The following SLC35F4 variants were observed in gnomAD, a reference collection of about 807,000 sequenced individuals.
SLC35F4 encodes the protein chromosome 14 open reading frame 36.
Under a neutral mutation model 44.2 loss-of-function variants are expected in SLC35F4, and 24 were observed. The ratio of observed to expected loss-of-function variants is 0.54; its 90% CI spans 0.39 to 0.76. SLC35F4 has a LOEUF of 0.76. Among genes scored for constraint, SLC35F4 ranks in the 30% least tolerant of loss-of-function variants. The pLI is 0.00. For synonymous variants in SLC35F4, 238 were observed against 223.6 expected (o/e 1.06, Z -0.57); for missense variants, 562 against 586.1 (o/e 0.96, Z 0.42).
chr14:57,739,738 T>G lies in SLC35F4; in HGVS notation c.103+125985A>C, dbSNP rs574740408. Among the ~76,000 whole-genome samples the G allele has an allele frequency of 2.0e-5, 3 of 152,304 alleles. No homozygotes were observed. In the South Asian group the frequency reaches 6.2e-4, roughly 32 times the overall value. ...CATGCCATTTATTACATTCCTTATC[T>G]CACTGAGTTTCATCTATAAATCACA... On this transcript the variant is annotated intron_variant, in intron 1 of 7. Transcript: ENST00000556826.
At chr14:57,565,808 GATAA>G (rs2068178553) in intron 7 of SLC35F4, among the ~76,000 whole-genome samples, 2 of 152,110 alleles carry the variant, frequency 1.3e-5, no homozygotes, top group African/African-American at 2.4e-5. Context: ...CTGATCACAT[GATAA>G]ATATTCAATA....
At chr14:57,701,130 C>G (rs2075528557) in intron 1 of SLC35F4, among the ~76,000 whole-genome samples, 1 of 152,032 alleles carries the variant, frequency 6.6e-6, no homozygotes, top group South Asian at 2.1e-4. Context: ...AGCCACCATG[C>G]CTGGCCTATT....
At chr14:57,819,481 A>C (rs1882936936) in intron 1 of SLC35F4, among the ~76,000 whole-genome samples, 1 of 151,798 alleles carries the variant, frequency 6.6e-6, no homozygotes, top group Non-Finnish European at 1.5e-5. Flanking sequence ...GCAAAAGGCC[A>C]AGAATGACAG....
At chr14:57,680,572 A>G (rs2074863244) in intron 1 of SLC35F4, among the ~76,000 whole-genome samples, 1 of 152,080 alleles carries the variant, frequency 6.6e-6, no homozygotes, top group South Asian at 2.1e-4. Context: ...GGAAAGAGGA[A>G]GTCAAATTGT....
chr14:57,777,067 G>A lies in SLC35F4; in HGVS notation c.103+88656C>T, dbSNP rs548827060. ...CAGCATAATAACTAACTAACAACAC[G>A]ATGACAGGATTAAGTCCACACATAT... On this transcript the variant is annotated intron_variant, in intron 1 of 7. Coordinates refer to ENST00000556826, the MANE Select transcript of SLC35F4 (RefSeq NM_001306087.2). Among the ~76,000 whole-genome samples, 10 of 152,262 alleles carry A rather than the reference G, an allele frequency of 6.6e-5. No homozygotes were observed. In the South Asian group the frequency reaches 1.7e-3, roughly 25 times the overall value.
chr14:57,770,959 T>C (rs370285535), intron 1 of SLC35F4, among the ~76,000 whole-genome samples: 65 of 152,320 alleles, frequency 4.3e-4, no homozygotes, highest in African/African-American at 1.5e-3. Flanking sequence ...ACTGAGGCAC[T>C]AGTATTTCAC....
At chr14:57,792,148 CAT>C (rs750741721) in intron 1 of SLC35F4, among the ~76,000 whole-genome samples, 2 of 151,736 alleles carry the variant, frequency 1.3e-5, no homozygotes, top group Non-Finnish European at 2.9e-5. Context: ...TGGCCAGAAA[CAT>C]ATGAAAAAAT....
intron 1 of SLC35F4, among the ~76,000 whole-genome samples, chr14:57,620,425 A>G (rs890884120): frequency 1.3e-5 from 2 of 152,188 alleles, no homozygotes; most frequent in Non-Finnish European, 2.9e-5. Flanking sequence ...CCAGAATTTC[A>G]TATCCAGCCA....
chr14:57,852,161 G>A (rs953539584), intron 1 of SLC35F4, among the ~76,000 whole-genome samples: 1 of 152,208 alleles, frequency 6.6e-6, no homozygotes, highest in Non-Finnish European at 1.5e-5. Flanking sequence ...CTTGTGGTAA[G>A]TGCTATAAAG....
Position 57,761,079 on chromosome 14 carries a change from ACT to A in SLC35F4, c.103+104642_103+104643del, listed in dbSNP as rs1298908318. Among the ~76,000 whole-genome samples the A allele has an allele frequency of 2.0e-5, 3 of 152,182 alleles. No homozygotes were observed. In the South Asian group the frequency reaches 6.2e-4, roughly 32 times the overall value. On this transcript the variant is annotated intron_variant, in intron 1 of 7. Coordinates refer to ENST00000556826, the MANE Select transcript of SLC35F4 (RefSeq NM_001306087.2). ...CCTCTGCTTGTGCTGCACACAGGAA[ACT>A]CTCTCTCCAGGAATAAGCTGGGGTG...
intron 1 of SLC35F4, among the ~76,000 whole-genome samples, chr14:57,636,594 T>C (rs2073027649): frequency 6.6e-6 from 1 of 152,112 alleles, no homozygotes; most frequent in African/African-American, 2.4e-5. Context: ...AATGATTGCT[T>C]TATTCCAGAA....
At chr14:57,645,840 T>C (rs2073481294) in intron 1 of SLC35F4, among the ~76,000 whole-genome samples, 1 of 151,794 alleles carries the variant, frequency 6.6e-6, no homozygotes, top group Admixed American at 6.6e-5. Context: ...GAAGGGCAGT[T>C]GAATTTTGTC....
intron 1 of SLC35F4, among the ~76,000 whole-genome samples, chr14:57,863,821 C>G (rs530326891): frequency 2.6e-5 from 4 of 152,268 alleles, no homozygotes; most frequent in African/African-American, 9.6e-5. Flanking sequence ...AGATTCTCTG[C>G]CTTCACTCTT....
intron 1 of SLC35F4, among the ~76,000 whole-genome samples, chr14:57,603,414 T>G (rs368510904): frequency 6.6e-6 from 1 of 152,138 alleles, no homozygotes; most frequent in African/African-American, 2.4e-5. Context: ...TAGGGGGAGT[T>G]CCCCCTCCCT....
upstream of SLC35F4, among the ~76,000 whole-genome samples, chr14:57,869,653 A>C (rs948032826): frequency 6.6e-6 from 1 of 152,230 alleles, no homozygotes. Context: ...TTAAGCTTTT[A>C]TAGTCAAGGG....
intron 1 of SLC35F4, among the ~76,000 whole-genome samples, chr14:57,657,896 A>G (rs547696536): frequency 6.6e-6 from 1 of 152,336 alleles, no homozygotes; most frequent in South Asian, 2.1e-4. Flanking sequence ...ATAGTGGTAT[A>G]AAGTTGGTAA....
At chr14:57,967,813 A>G (rs968542022) in intron 1 of SLC35F4, among the ~76,000 whole-genome samples, 1 of 152,196 alleles carries the variant, frequency 6.6e-6, no homozygotes, top group Non-Finnish European at 1.5e-5. Flanking sequence ...CAATAGCAGG[A>G]GCCCTCATAT....
chr14:57,958,719 T>C (rs1207210607), intron 1 of SLC35F4, among the ~76,000 whole-genome samples: 4 of 152,190 alleles, frequency 2.6e-5, no homozygotes, highest in Admixed American at 1.3e-4. Flanking sequence ...CCTAAAATTT[T>C]AAAAACTGGC....
chr14:57,647,880 C>G (rs532132561), intron 1 of SLC35F4, among the ~76,000 whole-genome samples: 1 of 152,218 alleles, frequency 6.6e-6, no homozygotes, highest in Non-Finnish European at 1.5e-5. Flanking sequence ...CCTGTTAGTT[C>G]GGTTAGCCAG....
Sources: gnomAD v4.1 joint callset for allele counts (sites outside exome capture counted in the v4.1 genomes callset) on GRCh38, gnomAD v4.1.1 for gene constraint, MANE v1.5 for transcripts, NCBI Gene and HGNC (gene_info 2026-07-23, HGNC 2026-07-21) for gene names.